DHRS7B: variants seen among roughly 807,000 people sequenced by gnomAD.
DHRS7B encodes peroxisomal reductase activating PPAR-gamma.
Under a neutral mutation model 26.4 loss-of-function variants are expected in DHRS7B, and 24 were observed. That is an observed-to-expected ratio of 0.91 (90% CI 0.66 to 1.28). The LOEUF (loss-of-function observed/expected upper bound fraction) is 1.28. Among genes scored for constraint, DHRS7B ranks in the 50% most tolerant of loss-of-function variants. The pLI is 0.00. For synonymous variants in DHRS7B, 142 were observed against 166.4 expected (o/e 0.85, Z 1.13); for missense variants, 368 against 419.4 (o/e 0.88, Z 1.07).
rs1022803600 is a variant in DHRS7B, at chr17:21,127,003, G to A, written c.20+12G>A. The A allele has an allele frequency of 6.6e-7, 1 of 1,517,190 alleles. No individual in the cohort carries two copies. Among genetic ancestry groups the A allele is most frequent in the Non-Finnish European group, 8.8e-7 (1 of 1,133,796 alleles). The allele number at this position is 1,517,190 out of a possible 1,614,324, so 94.0% of individuals were successfully genotyped here. ...TCTCCGGCTACCAGGTAGGGGCTGG[G>A]GAAGAAGGAACCTCCGAGATGAGGC... On this transcript the variant is annotated intron_variant, in intron 1 of 6. Coordinates refer to ENST00000395511, the MANE Select transcript of DHRS7B (RefSeq NM_015510.5).
At chr17:21,180,659 G>C (rs1434215373) in intron 3 of DHRS7B, among the ~76,000 whole-genome samples, 1 of 152,100 alleles carries the variant, frequency 6.6e-6, no homozygotes, top group Non-Finnish European at 1.5e-5. Context: ...TAGAGGGACG[G>C]GGTGGAGCAT....
chr17:21,138,089 T>TACACACACACACAC, intron 1 of DHRS7B, among the ~76,000 whole-genome samples: 1 of 57,542 alleles, frequency 1.7e-5, no homozygotes, highest in African/African-American at 7.6e-5. Flanking sequence ...TATATATATA[T>TACACACACACACAC]ATATATATAT....
chr17:21,168,777 C>T, intron 1 of DHRS7B: 1 of 985,492 alleles, frequency 1.0e-6, no homozygotes, highest in Non-Finnish European at 1.2e-6. Flanking sequence ...AAGGATGGAT[C>T]CCATTCACCC....
At chr17:21,187,094 G>GATATATATATATATATATATATAT (rs147554727) in intron 5 of DHRS7B, among the ~76,000 whole-genome samples, 72 of 143,110 alleles carry the variant, frequency 5.0e-4, no homozygotes, top group African/African-American at 1.9e-3. Context: ...TGTATTAAAA[G>GATATATATATATATATATATATAT]ATATATATAT....
intron 1 of DHRS7B, among the ~76,000 whole-genome samples, chr17:21,137,201 C>T (rs1973363678): frequency 6.6e-6 from 1 of 151,852 alleles, no homozygotes; most frequent in Non-Finnish European, 1.5e-5. Context: ...GAACTCCTGA[C>T]CTCAGGTGAT....
chr17:21,172,203 CCTG>C lies in DHRS7B; in HGVS notation c.199+8_199+10del, dbSNP rs536305820. On this transcript the variant is annotated splice_region_variant and intron_variant, in intron 2 of 6. Coordinates refer to ENST00000395511, the MANE Select transcript of DHRS7B (RefSeq NM_015510.5). ...ACCTCAGGGCTGGGCAAAGGTGGGTCCTGGAGGCAGTGCTGCCAGGGGGCGGGG... is the reference window on the plus strand; with the variant it reads ...ACCTCAGGGCTGGGCAAAGGTGGGTCGAGGCAGTGCTGCCAGGGGGCGGGG... 1.0e-4 allele frequency: 160 copies of C among 1,607,270 alleles called. No homozygotes were observed. In the African/African-American group the frequency reaches 1.9e-3, roughly 19 times the overall value.
At chr17:21,156,370 C>T (rs1395061290) in intron 1 of DHRS7B, among the ~76,000 whole-genome samples, 1 of 152,050 alleles carries the variant, frequency 6.6e-6, no homozygotes, top group Non-Finnish European at 1.5e-5. Context: ...CTTTGGGAGG[C>T]AGAGGCAGGT....
At chr17:21,190,239 C>T (rs1974745530) in intron 6 of DHRS7B, among the ~76,000 whole-genome samples, 1 of 152,084 alleles carries the variant, frequency 6.6e-6, no homozygotes, top group Non-Finnish European at 1.5e-5. Context: ...GCTGGTCCTA[C>T]TTTGCGGGCA....
chr17:21,186,801 C>T (rs1788132757), intron 5 of DHRS7B, among the ~76,000 whole-genome samples: 1 of 152,214 alleles, frequency 6.6e-6, no homozygotes, highest in Non-Finnish European at 1.5e-5. Context: ...AGAGCAGGCA[C>T]AGCTCTGTTT....
intron 3 of DHRS7B, among the ~76,000 whole-genome samples, chr17:21,180,105 C>T (rs1362297684): frequency 5.5e-5 from 8 of 144,358 alleles, no homozygotes; most frequent in Admixed American, 2.8e-4. Context: ...GAGGGAGTCT[C>T]GCTCTGTCAC....
intron 1 of DHRS7B, among the ~76,000 whole-genome samples, chr17:21,129,844 C>G (rs1973191850): frequency 6.6e-6 from 1 of 152,050 alleles, no homozygotes; most frequent in South Asian, 2.1e-4. Flanking sequence ...CAGATACAAC[C>G]CATTATGTAG....
intron 1 of DHRS7B, among the ~76,000 whole-genome samples, chr17:21,149,160 G>T (rs979079636): frequency 6.6e-6 from 1 of 151,438 alleles, no homozygotes; most frequent in Non-Finnish European, 1.5e-5. Flanking sequence ...TGCAAAAAAA[G>T]CATGCAGGAA....
chr17:21,172,537 C>A, intron 2 of DHRS7B: 1 of 386,796 alleles, frequency 2.6e-6, no homozygotes, highest in Admixed American at 4.0e-5. Flanking sequence ...TGTGAAATAT[C>A]CCAATTTCCA....
At chr17:21,173,961 CAG>C (rs992214305) in intron 2 of DHRS7B, among the ~76,000 whole-genome samples, 27 of 152,310 alleles carry the variant, frequency 1.8e-4, no homozygotes, top group African/African-American at 6.5e-4. Flanking sequence ...ATGAAGGGAA[CAG>C]AAAATGTCAC....
At chr17:21,182,179 T>C (rs186393789) in intron 3 of DHRS7B, among the ~76,000 whole-genome samples, 60 of 152,364 alleles carry the variant, frequency 3.9e-4, no homozygotes, top group African/African-American at 1.4e-3. Flanking sequence ...TCTGCATCAA[T>C]TGAGATGATC....
At chr17:21,135,206 G>A (rs1226801154) in intron 1 of DHRS7B, among the ~76,000 whole-genome samples, 1 of 152,102 alleles carries the variant, frequency 6.6e-6, no homozygotes, top group African/African-American at 2.4e-5. Flanking sequence ...AGAATTATAG[G>A]AGTTTCACAT....
intron 1 of DHRS7B, among the ~76,000 whole-genome samples, chr17:21,151,512 CAAAA>C (rs34419163): frequency 5.1e-5 from 6 of 117,312 alleles, no homozygotes; most frequent in Admixed American, 2.6e-4. Flanking sequence ...GACTCTGTCT[CAAAA>C]AAAAAAAAAA....
At chr17:21,189,302 C>G in intron 6 of DHRS7B, among the ~76,000 whole-genome samples, 1 of 152,202 alleles carries the variant, frequency 6.6e-6, no homozygotes, top group East Asian at 1.9e-4. Context: ...GGCCAGTCTT[C>G]AGGATGAGGC....
At chr17:21,135,143 G>C (rs1973314926) in intron 1 of DHRS7B, among the ~76,000 whole-genome samples, 1 of 152,110 alleles carries the variant, frequency 6.6e-6, no homozygotes, top group Non-Finnish European at 1.5e-5. Context: ...TGTTACCTCT[G>C]TGACACACAA....
Sources: allele counts gnomAD v4.1 joint callset (sites outside exome capture counted in the v4.1 genomes callset), GRCh38; gene constraint gnomAD v4.1.1; transcripts MANE v1.5; gene names NCBI Gene and HGNC (gene_info 2026-07-23, HGNC 2026-07-21).